SEC24A: variants seen among roughly 807,000 people sequenced by gnomAD.
SEC24A encodes the protein SEC24 homolog A, COPII component, also known as protein transport protein Sec24A.
SEC24A carries 93 observed loss-of-function variants against 129.4 expected under a neutral mutation model. The observed-to-expected ratio is 0.72, with a 90% CI of 0.61 to 0.85. The LOEUF is 0.85. Ranked by LOEUF, SEC24A falls within the 40% of genes least tolerant of loss-of-function variation. SEC24A has a pLI of 0.00. For missense variants in SEC24A, 1,264 were observed against 1,307.4 expected, an observed-to-expected ratio of 0.97 and a Z score of 0.51; for synonymous variants, 460 against 467.3, an observed-to-expected ratio of 0.98 and a Z score of 0.20.
At chr5:134,664,771 T>A (rs1750593813) in intron 2 of SEC24A, among the ~76,000 whole-genome samples, 1 of 150,256 alleles carries the variant, frequency 6.7e-6, no homozygotes, top group Non-Finnish European at 1.5e-5. Flanking sequence ...TAAGATTCAG[T>A]AATAGGCAAT....
chr5:134,662,476 G>T (rs1306499123), intron 2 of SEC24A, among the ~76,000 whole-genome samples: 2 of 152,010 alleles, frequency 1.3e-5, no homozygotes, highest in African/African-American at 4.8e-5. Context: ...ATTCTGTATT[G>T]GGATCTGCAG....
intron 12 of SEC24A, chr5:134,693,449 CTG>C: frequency 1.5e-6 from 2 of 1,370,590 alleles, no homozygotes; most frequent in African/African-American, 1.5e-5. Flanking sequence ...AATCTCTAAA[CTG>C]TGATGGTTCT....
intron 8 of SEC24A, among the ~76,000 whole-genome samples, chr5:134,681,920 A>G (rs1431744595): frequency 6.6e-6 from 1 of 152,156 alleles, no homozygotes; most frequent in African/African-American, 2.4e-5. Flanking sequence ...CATATGTGAA[A>G]TGTTAATATC....
rs200980477 is a variant in SEC24A at position 134,704,818 on chromosome 5, AG to A, written c.2441-507del. On this transcript the variant is annotated intron_variant, in intron 16 of 22. Coordinates refer to ENST00000398844, the MANE Select transcript of SEC24A (RefSeq NM_021982.3). ...ACCTTGTTTCTAAAAAAAAAAAAAA[AG>A]GATGAAATTTTTAATATTTATGTAC... Among the ~76,000 whole-genome samples, 102 of 150,490 alleles carry A rather than the reference AG, an allele frequency of 6.8e-4. No individual in the cohort carries two copies. The East Asian group carries it at 0.014, about 21-fold the overall frequency.
chr5:134,650,554 A>G (rs1201133721), intron 1 of SEC24A, among the ~76,000 whole-genome samples: 5 of 140,814 alleles, frequency 3.6e-5, no homozygotes, highest in African/African-American at 1.3e-4. Context: ...TTTTTTTTTG[A>G]GATGGAGTCT....
chr5:134,689,922 A>G (rs960387888), intron 11 of SEC24A, among the ~76,000 whole-genome samples: 1 of 152,048 alleles, frequency 6.6e-6, no homozygotes, highest in Non-Finnish European at 1.5e-5. Flanking sequence ...CCACTTATAT[A>G]TAGTACCTAG....
At chr5:134,704,861 G>A (rs1752104523) in intron 16 of SEC24A, among the ~76,000 whole-genome samples, 1 of 149,800 alleles carries the variant, frequency 6.7e-6, no homozygotes, top group South Asian at 2.1e-4. Flanking sequence ...ATTTTTAATA[G>A]AGATAGGGTC....
rs188286981 is a variant in SEC24A, at chr5:134,670,001, A to G, written c.740-1808A>G. Among the ~76,000 whole-genome samples the G allele has an allele frequency of 3.3e-3, 506 of 152,196 alleles. 4 individuals carry two copies. The highest frequency in any genetic ancestry group is 0.012 in the African/African-American group (484 of 41,530). ...GAGTGCAGTGGAAGGATCTTGGCCC[A>G]CTGCAGCTTCCGCCTCCCAGGTTCA... is the stretch of plus-strand genomic sequence containing the variant. On this transcript the variant is annotated intron_variant, in intron 3 of 22. Coordinates refer to ENST00000398844, the MANE Select transcript of SEC24A (RefSeq NM_021982.3).
At position 134,726,382 on chromosome 5, in the gene SEC24A, T is replaced by C. The variant is rs1752758204; in HGVS notation, c.*1288T>C. The C allele has an allele frequency of 6.6e-6, 1 of 152,604 alleles. No individual in the cohort carries two copies. Among genetic ancestry groups the C allele is most frequent in the Non-Finnish European group, 1.5e-5 (1 of 67,992 alleles). The allele number at this position is 152,604 out of a possible 1,614,324, so 9.5% of individuals were successfully genotyped here. ...CTTAAATATGTTCATGTATAATACT[T>C]GATCAAAATATTTTTGGGTTTTTTG... On this transcript the variant is annotated 3_prime_UTR_variant, in exon 23 of 23. Transcript: ENST00000398844.
chr5:134,684,982 A>G lies in SEC24A; in HGVS notation c.1492-1808A>G, dbSNP rs147359622. ...TGGATTTGGCAAGTGATACATGCAA[A>G]AATATATAAAAGTACAGTTGACTCT... On this transcript the variant is annotated intron_variant, in intron 9 of 22. Transcript: ENST00000398844. Among the ~76,000 whole-genome samples the G allele has an allele frequency of 7.9e-3, 1,199 of 152,232 alleles. 6 individuals are homozygous for G. The highest frequency in any genetic ancestry group is 0.041 in the Middle Eastern group (12 of 292).
intron 10 of SEC24A, 135 bp downstream of exon 10, chr5:134,687,037 T>C: frequency 2.0e-6 from 1 of 498,194 alleles, no homozygotes; most frequent in Non-Finnish European, 3.5e-6. Context: ...AATTTAGGCC[T>C]CACTTTCTCT....
intron 1 of SEC24A, among the ~76,000 whole-genome samples, chr5:134,659,947 C>T (rs2150071187): frequency 1.3e-5 from 2 of 152,056 alleles, no homozygotes; most frequent in East Asian, 3.9e-4. Flanking sequence ...GGCACCATGC[C>T]CAGCATGTTT....
chr5:134,700,045 G>A (rs999739238), intron 15 of SEC24A, among the ~76,000 whole-genome samples: 2 of 150,860 alleles, frequency 1.3e-5, no homozygotes, highest in African/African-American at 4.9e-5. Context: ...TTATCAACCT[G>A]GTGGGTTTTT....
intron 11 of SEC24A, among the ~76,000 whole-genome samples, chr5:134,690,023 A>G (rs1486386342): frequency 6.6e-6 from 1 of 152,000 alleles, no homozygotes; most frequent in East Asian, 1.9e-4. Flanking sequence ...CATAATTATT[A>G]CATTTTTTTT....
At chr5:134,670,581 A>G (rs545972031) in intron 3 of SEC24A, among the ~76,000 whole-genome samples, 1 of 152,204 alleles carries the variant, frequency 6.6e-6, no homozygotes, top group Non-Finnish European at 1.5e-5. Context: ...TTGGGAGAAG[A>G]GATGTTAAGA....
intron 4 of SEC24A, among the ~76,000 whole-genome samples, chr5:134,673,846 G>T (rs949189150): frequency 1.3e-5 from 2 of 152,080 alleles, no homozygotes; most frequent in Non-Finnish European, 2.9e-5. Flanking sequence ...CCATTAACAA[G>T]ATTTTTGGCC....
chr5:134,694,820 A>G (rs1422037435), intron 13 of SEC24A, among the ~76,000 whole-genome samples: 1 of 131,166 alleles, frequency 7.6e-6, no homozygotes, highest in African/African-American at 3.0e-5. Flanking sequence ...ACTCCGTCTC[A>G]AAAAAAAAAA....
At chr5:134,689,654 G>C (rs1282509297) in intron 11 of SEC24A, among the ~76,000 whole-genome samples, 1 of 151,946 alleles carries the variant, frequency 6.6e-6, no homozygotes, top group African/African-American at 2.4e-5. Context: ...CCAGCTACTC[G>C]GGAGGCTGAG....
chr5:134,709,909 T>C (rs569021483), intron 18 of SEC24A, among the ~76,000 whole-genome samples: 36 of 152,286 alleles, frequency 2.4e-4, no homozygotes, highest in Non-Finnish European at 4.7e-4. Flanking sequence ...CACTTCTCTT[T>C]TCTTTTTTGA....
Sources: gnomAD v4.1 joint callset for allele counts (sites outside exome capture counted in the v4.1 genomes callset) on GRCh38, gnomAD v4.1.1 for gene constraint, MANE v1.5 for transcripts, NCBI Gene and HGNC (gene_info 2026-07-23, HGNC 2026-07-21) for gene names.